The following DOCK2 variants were observed in gnomAD, a reference collection of about 807,000 sequenced individuals.
DOCK2 encodes the protein dedicator of cytokinesis 2, also known as dedicator of cytokinesis protein 2.
In DOCK2, 87 loss-of-function variants were observed where a neutral mutation model predicts 248.9. The ratio of observed to expected loss-of-function variants is 0.35; its 90% CI spans 0.29 to 0.42. The LOEUF is 0.42. Among genes scored for constraint, DOCK2 ranks in the 10% least tolerant of loss-of-function variants. The pLI, the probability that DOCK2 is intolerant of heterozygous loss-of-function variation, is 1.00. For missense variants in DOCK2, 1,747 were observed against 2,300.2 expected (o/e 0.76, Z 4.92); for synonymous variants, 805 against 821.6 (o/e 0.98, Z 0.35).
chr5:169,744,252 T>G (rs1225535803), intron 22 of DOCK2, among the ~76,000 whole-genome samples: 1 of 152,196 alleles, frequency 6.6e-6, no homozygotes, highest in Non-Finnish European at 1.5e-5. Context: ...CTCTTTCTCG[T>G]GAAAATCAAA....
intron 44 of DOCK2, among the ~76,000 whole-genome samples, chr5:170,058,772 C>T (rs567593203): frequency 2.7e-4 from 41 of 152,270 alleles, no homozygotes; most frequent in African/African-American, 8.9e-4. Flanking sequence ...GTCTGACTTG[C>T]GTTTTCAAGC....
intron 36 of DOCK2, among the ~76,000 whole-genome samples, chr5:170,038,804 C>T (rs1756409450): frequency 1.3e-5 from 2 of 152,112 alleles, no homozygotes; most frequent in African/African-American, 4.8e-5. Context: ...GAGAGGGTGC[C>T]AAAGGAGGAG....
chr5:169,798,903 T>A lies in DOCK2; in HGVS notation c.2555-4155T>A, dbSNP rs1766810003. 2.6e-5 allele frequency among the ~76,000 whole-genome samples: 4 copies of A among 152,214 alleles called. No homozygotes were observed. In the South Asian group the frequency reaches 8.3e-4, roughly 32 times the overall value. On this transcript the variant is annotated intron_variant, in intron 25 of 51. Transcript: ENST00000520908. ...GGAGAAAGTTTTAAATAATTTTTAA[T>A]CTTGAGCCACAAAAAGCTATTTTAA...
chr5:169,750,244 G>A (rs552830734), intron 23 of DOCK2, among the ~76,000 whole-genome samples: 63 of 152,250 alleles, frequency 4.1e-4, no homozygotes, highest in Admixed American at 1.4e-3. Context: ...GTTTCCCTAC[G>A]ATGGGCTACA....
intron 32 of DOCK2, among the ~76,000 whole-genome samples, chr5:170,011,955 T>G (rs959553470): frequency 2.0e-5 from 3 of 152,182 alleles, no homozygotes; most frequent in Admixed American, 2.0e-4. Flanking sequence ...ACAAGAAAAT[T>G]AAAGCTTCAG....
intron 29 of DOCK2, among the ~76,000 whole-genome samples, chr5:169,989,601 G>A (rs868840343): frequency 6.6e-6 from 1 of 152,196 alleles, no homozygotes; most frequent in Non-Finnish European, 1.5e-5. Flanking sequence ...AGCTGCAGTT[G>A]CTGTCATGAA....
chr5:169,716,801 A>G (rs1169359082), intron 20 of DOCK2, among the ~76,000 whole-genome samples: 1 of 152,070 alleles, frequency 6.6e-6, no homozygotes, highest in Non-Finnish European at 1.5e-5. Context: ...TCCTCTCCCT[A>G]TCTCGACTCA....
At chr5:169,676,812 A>G (rs917984944) in intron 6 of DOCK2, among the ~76,000 whole-genome samples, 3 of 152,166 alleles carry the variant, frequency 2.0e-5, no homozygotes, top group African/African-American at 7.2e-5. Flanking sequence ...TCAGATATCA[A>G]ACTTTCTTTG....
intron 25 of DOCK2, among the ~76,000 whole-genome samples, chr5:169,779,772 C>A (rs1765591955): frequency 6.6e-6 from 1 of 152,122 alleles, no homozygotes; most frequent in South Asian, 2.1e-4. Context: ...GGAACTCCCC[C>A]TTTCCCCTTG....
chr5:169,913,997 C>T (rs1464755223), intron 27 of DOCK2, among the ~76,000 whole-genome samples: 1 of 152,202 alleles, frequency 6.6e-6, no homozygotes, highest in Non-Finnish European at 1.5e-5. Flanking sequence ...CCATATCACA[C>T]AGCAGTTTAC....
chr5:170,075,756 G>A (rs1429933185), intron 46 of DOCK2, 191 bp from the exon 47 acceptor site: 1 of 716,832 alleles, frequency 1.4e-6, no homozygotes, highest in Non-Finnish European at 2.3e-6. Context: ...CTCCTTTCCA[G>A]AGCAAACCTC....
intron 22 of DOCK2, among the ~76,000 whole-genome samples, chr5:169,744,014 A>G (rs1763470945): frequency 6.6e-6 from 1 of 151,794 alleles, no homozygotes; most frequent in Non-Finnish European, 1.5e-5. Context: ...GGTGCAGGAT[A>G]TATTTTCATC....
intron 25 of DOCK2, among the ~76,000 whole-genome samples, chr5:169,783,372 T>C (rs1765814644): frequency 6.6e-6 from 1 of 152,222 alleles, no homozygotes; most frequent in South Asian, 2.1e-4. Flanking sequence ...TTTGGTTTCA[T>C]AGTTGAATTG....
At chr5:169,781,255 G>A (rs74913408) in intron 25 of DOCK2, among the ~76,000 whole-genome samples, 1 of 152,316 alleles carries the variant, frequency 6.6e-6, no homozygotes, top group East Asian at 1.9e-4. Context: ...ACAGACAGTG[G>A]CCCCAGCTGG....
chr5:169,914,254 T>A (rs1774758339), intron 27 of DOCK2, among the ~76,000 whole-genome samples: 1 of 152,194 alleles, frequency 6.6e-6, no homozygotes, highest in South Asian at 2.1e-4. Context: ...CCTCATACTA[T>A]GTTCTAAAAC....
chr5:169,988,927 T>A (rs1778140312), intron 29 of DOCK2, among the ~76,000 whole-genome samples: 1 of 152,210 alleles, frequency 6.6e-6, no homozygotes, highest in South Asian at 2.1e-4. Context: ...ACCATTTTCT[T>A]TTCTCCAAAA....
chr5:169,922,309 A>G (rs141733626), intron 27 of DOCK2, among the ~76,000 whole-genome samples: 297 of 152,366 alleles, frequency 1.9e-3, no homozygotes, highest in South Asian at 7.2e-3. Flanking sequence ...GCCCTAATTT[A>G]TGCAGAACCC....
rs536583401 is a variant in DOCK2, at chr5:170,004,477, T to C, written c.3073-4020T>C. Among the ~76,000 whole-genome samples, 4 of 152,354 alleles carry C rather than the reference T, an allele frequency of 2.6e-5. No individual in the cohort carries two copies. In the East Asian group the frequency reaches 7.7e-4, roughly 29 times the overall value. On this transcript the variant is annotated intron_variant, in intron 30 of 51. Transcript: ENST00000520908. The stretch of plus-strand genomic sequence containing the variant: ...TTTTGGCTGCATAAATGTCTTCTTT[T>C]GAGAAGTGTCTGTTCATGGAAGTCA...
At chr5:169,879,146 G>A (rs528609049) in intron 27 of DOCK2, among the ~76,000 whole-genome samples, 1 of 152,292 alleles carries the variant, frequency 6.6e-6, no homozygotes, top group East Asian at 1.9e-4. Flanking sequence ...GGCTAATTTA[G>A]CAGCAACATC....
Sources: allele counts gnomAD v4.1 joint callset (sites outside exome capture counted in the v4.1 genomes callset), GRCh38; gene constraint gnomAD v4.1.1; transcripts MANE v1.5; gene names NCBI Gene and HGNC (gene_info 2026-07-23, HGNC 2026-07-21).